Variants in NUDT21 observed in about 807,000 individuals in gnomAD.
The protein encoded by NUDT21 is cleavage and polyadenylation specificity factor subunit 5.
NUDT21 carries 5 observed loss-of-function variants against 29.8 expected under a neutral mutation model. The observed-to-expected ratio is 0.17, with a 90% CI of 0.09 to 0.35. NUDT21 has a LOEUF of 0.35. Among genes scored for constraint, NUDT21 ranks in the 10% least tolerant of loss-of-function variants. The pLI, the probability that NUDT21 is intolerant of heterozygous loss-of-function variation, is 1.00. For missense variants in NUDT21, 76 were observed against 276.0 expected, an observed-to-expected ratio of 0.28 and a Z score of 5.13; for synonymous variants, 113 against 98.5, an observed-to-expected ratio of 1.15 and a Z score of -0.87.
chr16:56,441,344 C>A (rs1219142161), intron 3 of NUDT21, among the ~76,000 whole-genome samples: 2 of 152,174 alleles, frequency 1.3e-5, no homozygotes, highest in East Asian at 1.9e-4. Flanking sequence ...CCAAGCGACT[C>A]CCCTGCCTCA....
intron 4 of NUDT21, 147 bp downstream of exon 4, chr16:56,439,510 A>G (rs1962138212): frequency 1.3e-5 from 9 of 689,412 alleles, no homozygotes; most frequent in Non-Finnish European, 2.6e-6. Context: ...TAAAATAAGA[A>G]GTGCTTGGCT....
intron 1 of NUDT21, 91 bp from the exon 2 acceptor site, chr16:56,448,080 A>T: frequency 1.8e-6 from 2 of 1,084,952 alleles, no homozygotes; most frequent in Non-Finnish European, 1.3e-6. Flanking sequence ...GGTACAAAAA[A>T]AGTGCATATA....
rs1962222407 is a variant in NUDT21, at chr16:56,446,518, T to C, written c.381+108A>G. 9.7e-6 allele frequency: 6 copies of C among 615,584 alleles called. No individual in the cohort carries two copies. In the East Asian group the frequency reaches 1.7e-4, roughly 18 times the overall value. The allele number at this position is 615,584 out of a possible 1,614,324, so 38.1% of individuals were successfully genotyped here. On this transcript the variant is annotated intron_variant, in intron 3 of 6. Coordinates refer to ENST00000300291, the MANE Select transcript of NUDT21 (RefSeq NM_007006.3). ...TACTAACCTTCTGGAGTTTAAGTTG[T>C]ATTTATTGAAAACTAAATATTCCAA...
intron 5 of NUDT21, 43 bp from the exon 6 acceptor site, chr16:56,434,488 C>A: frequency 9.3e-7 from 1 of 1,077,668 alleles, no homozygotes; most frequent in Middle Eastern, 2.1e-4. Context: ...ATTATATAAT[C>A]ACTGCTTCCA....
At chr16:56,436,211 G>A (rs1443379624) in intron 4 of NUDT21, among the ~76,000 whole-genome samples, 1 of 151,872 alleles carries the variant, frequency 6.6e-6, no homozygotes, top group Admixed American at 6.6e-5. Flanking sequence ...GAGAGCTGGG[G>A]AATTTAAAAT....
At position 56,429,467 on chromosome 16, in the gene NUDT21, T is replaced by C. The variant is rs1382393908; in HGVS notation, c.*3245A>G. ...AAAATACACCTGAACTGGCCTAATC[T>C]AGAGTTACCTAGGTTTTAGTAAGTT... On this transcript the variant is annotated 3_prime_UTR_variant, in exon 7 of 7. Transcript: ENST00000300291. The C allele has an allele frequency of 6.6e-6, 1 of 152,212 alleles. No individual in the cohort carries two copies. Among genetic ancestry groups the C allele is most frequent in the Non-Finnish European group, 1.5e-5 (1 of 68,050 alleles). 9.4% of individuals were successfully genotyped at this position (152,212 alleles called of 1,614,324 possible). A position where few individuals can be genotyped will look rare whatever the true frequency, so the allele number is the denominator to read the frequency against.
chr16:56,451,287 C>T lies in NUDT21; in HGVS notation c.-85G>A, dbSNP rs1962312903. 3.8e-6 allele frequency: 4 copies of T among 1,046,266 alleles called. No homozygotes were observed. The highest frequency in any genetic ancestry group is 5.6e-6 in the Non-Finnish European group (4 of 714,678). 64.8% of individuals were successfully genotyped at this position (1,046,266 alleles called of 1,614,324 possible). On this transcript the variant is annotated 5_prime_UTR_variant, in exon 1 of 7. Coordinates refer to ENST00000300291, the MANE Select transcript of NUDT21 (RefSeq NM_007006.3). The stretch of plus-strand genomic sequence containing the variant: ...GTGCGGGAAGCGGTTATCTGCAATC[C>T]CCTCAGCGGCTACTGCCCGCCATTA...
chr16:56,434,975 T>C (rs1962079822), intron 4 of NUDT21, 146 bp from the exon 5 acceptor site: 2 of 530,572 alleles, frequency 3.8e-6, no homozygotes, highest in Non-Finnish European at 6.6e-6. Flanking sequence ...GATACACTAG[T>C]AAATAAATGC....
intron 3 of NUDT21, among the ~76,000 whole-genome samples, chr16:56,444,572 C>G (rs1490377152): frequency 6.7e-6 from 1 of 149,802 alleles, no homozygotes; most frequent in African/African-American, 2.5e-5. Context: ...TGCACTCCAG[C>G]CTGGGCGACA....
intron 1 of NUDT21, among the ~76,000 whole-genome samples, chr16:56,448,402 A>G (rs560754572): frequency 1.3e-5 from 2 of 152,300 alleles, no homozygotes; most frequent in East Asian, 3.9e-4. Flanking sequence ...GCTAATGGCT[A>G]ATTTCTTTTT....
rs1567538781 is a variant in NUDT21, at chr16:56,439,641, G to GC, written c.471+15_471+16insG. On this transcript the variant is annotated intron_variant, in intron 4 of 6. Transcript: ENST00000300291. ...TCTGCTTCCAAAATGCCCAGCAAATGTAACTGAACACTGACCTGAGGAGGT... is the reference window on the plus strand; with the variant it reads ...TCTGCTTCCAAAATGCCCAGCAAATGCTAACTGAACACTGACCTGAGGAGGT... 2.8e-5 allele frequency: 43 copies of GC among 1,550,634 alleles called. No individual in the cohort carries two copies. The highest frequency in any genetic ancestry group is 3.7e-5 in the Non-Finnish European group (42 of 1,122,252).
Position 56,430,762 on chromosome 16 carries a change from A to G in NUDT21, c.*1950T>C, listed in dbSNP as rs1201499347. On this transcript the variant is annotated 3_prime_UTR_variant, in exon 7 of 7. Transcript: ENST00000300291. ...TCCGTTTGTGTGTTGCAACTTTTAC[A>G]TTCAAAACCAGATCTCTTACATTTC... The G allele has an allele frequency of 6.6e-6, 1 of 152,264 alleles. No homozygotes were observed. Among genetic ancestry groups the G allele is most frequent in the Non-Finnish European group, 1.5e-5 (1 of 68,046 alleles). 9.4% of individuals were successfully genotyped at this position (152,264 alleles called of 1,614,324 possible). A position where few individuals can be genotyped will look rare whatever the true frequency, so the allele number is the denominator to read the frequency against.
In NUDT21 at chr16:56,430,156, A is replaced by G. The variant is rs1219825534; in HGVS notation, c.*2556T>C. ...TTAAAATCTTCCAAATGTGCTGTTAACAGTACAAATTCAAGTGCAGAATTA... is the reference window on the plus strand; with the variant it reads ...TTAAAATCTTCCAAATGTGCTGTTAGCAGTACAAATTCAAGTGCAGAATTA... On this transcript the variant is annotated 3_prime_UTR_variant, in exon 7 of 7. Transcript: ENST00000300291. The G allele has an allele frequency of 6.6e-6, 1 of 152,260 alleles. No individual in the cohort carries two copies. Among genetic ancestry groups the G allele is most frequent in the Non-Finnish European group, 1.5e-5 (1 of 68,042 alleles). 9.4% of individuals were successfully genotyped at this position (152,260 alleles called of 1,614,324 possible). A position where few individuals can be genotyped will look rare whatever the true frequency, so the allele number is the denominator to read the frequency against.
At chr16:56,445,571 C>G (rs1207415324) in intron 3 of NUDT21, among the ~76,000 whole-genome samples, 1 of 152,234 alleles carries the variant, frequency 6.6e-6, no homozygotes, top group African/African-American at 2.4e-5. Context: ...TATAAATATA[C>G]TCCATATATA....
At chr16:56,444,202 T>G (rs968819795) in intron 3 of NUDT21, among the ~76,000 whole-genome samples, 3 of 152,132 alleles carry the variant, frequency 2.0e-5, no homozygotes, top group Non-Finnish European at 2.9e-5. Context: ...GAAGATTGCT[T>G]GAGCCCAGGA....
At chr16:56,435,806 A>G (rs1194622456) in intron 4 of NUDT21, among the ~76,000 whole-genome samples, 1 of 109,816 alleles carries the variant, frequency 9.1e-6, no homozygotes, top group Non-Finnish European at 1.8e-5. Flanking sequence ...TAAACAGTCT[A>G]GAATCCTGTT....
chr16:56,439,883 ATT>A, intron 3 of NUDT21, 137 bp from the exon 4 acceptor site: 1 of 702,230 alleles, frequency 1.4e-6, no homozygotes, highest in Admixed American at 2.2e-5. Flanking sequence ...ATTTTCTATG[ATT>A]TGTTAATATA....
chr16:56,446,558 T>C, intron 3 of NUDT21, 68 bp downstream of exon 3: 1 of 839,532 alleles, frequency 1.2e-6, no homozygotes. Flanking sequence ...AGCATCCTTT[T>C]TACAAGACAT....
In NUDT21 at chr16:56,443,840, A is replaced by C. The variant is rs557836066; in HGVS notation, c.381+2786T>G. Among the ~76,000 whole-genome samples the C allele has an allele frequency of 3.0e-4, 45 of 152,300 alleles. 1 individual carries two copies. Among genetic ancestry groups the C allele is most frequent in the African/African-American group, 9.1e-4 (38 of 41,550 alleles). ...TCTTGCCACCAGAACTGGTGAGCCA[A>C]ATAAATCTTTTTCTTTATAAATTAC... On this transcript the variant is annotated intron_variant, in intron 3 of 6. Transcript: ENST00000300291.
Sources: allele counts gnomAD v4.1 joint callset (sites outside exome capture counted in the v4.1 genomes callset), GRCh38; gene constraint gnomAD v4.1.1; transcripts MANE v1.5; gene names NCBI Gene and HGNC (gene_info 2026-07-23, HGNC 2026-07-21).